NECAB1: variants seen among roughly 807,000 people sequenced by gnomAD.
NECAB1 encodes the protein N-terminal EF-hand calcium-binding protein 1.
NECAB1 carries 29 observed loss-of-function variants against 57.5 expected under a neutral mutation model. The ratio of observed to expected loss-of-function variants is 0.50; its 90% CI spans 0.38 to 0.69. NECAB1 has a LOEUF of 0.69. NECAB1 is among the 30% of genes least tolerant of loss of function. The pLI is 0.00. For missense variants in NECAB1, 372 were observed against 413.8 expected (o/e 0.90, Z 0.88); for synonymous variants, 142 against 147.7 (o/e 0.96, Z 0.28).
chr8:90,909,699 A>C (rs568821918), intron 5 of NECAB1, among the ~76,000 whole-genome samples: 1 of 152,106 alleles, frequency 6.6e-6, no homozygotes, highest in African/African-American at 2.4e-5. Context: ...TTACTCCATA[A>C]GTCATTTGCT....
chr8:90,821,765 G>T (rs1181067650), intron 2 of NECAB1, among the ~76,000 whole-genome samples: 4 of 151,226 alleles, frequency 2.6e-5, no homozygotes, highest in Non-Finnish European at 5.9e-5. Flanking sequence ...ATAATTATAA[G>T]ATCCATAAAA....
At chr8:90,917,353 G>T (rs1194697365) in intron 5 of NECAB1, 139 bp from the exon 6 acceptor site, 13 of 638,002 alleles carry the variant, frequency 2.0e-5, no homozygotes, top group Middle Eastern at 8.3e-4. Flanking sequence ...TCCAGGGCTC[G>T]ACAGATCTTT....
At chr8:90,840,391 T>G (rs1037804178) in intron 3 of NECAB1, among the ~76,000 whole-genome samples, 1 of 152,222 alleles carries the variant, frequency 6.6e-6, no homozygotes, top group African/African-American at 2.4e-5. Flanking sequence ...CACAGTGAGA[T>G]TGGGTCACTT....
At position 90,949,800 on chromosome 8, in the gene NECAB1, A is replaced by G. The variant is rs770821671; in HGVS notation, c.861-7A>G. 6.4e-7 allele frequency: 1 copy of G among 1,567,462 alleles called. No individual in the cohort carries two copies. The highest frequency in any genetic ancestry group is 8.7e-7 in the Non-Finnish European group (1 of 1,145,440). On this transcript the variant is annotated splice_polypyrimidine_tract_variant and splice_region_variant and intron_variant, in intron 10 of 12. Coordinates refer to ENST00000417640, the MANE Select transcript of NECAB1 (RefSeq NM_022351.5). ...TAGCTAATTATGCCTTTTATTTTCC[A>G]TTTCAGTATTTCTATACAGAAGCTT...
chr8:90,795,006 G>T (rs968473400), intron 1 of NECAB1, among the ~76,000 whole-genome samples: 10 of 152,250 alleles, frequency 6.6e-5, no homozygotes, highest in African/African-American at 1.9e-4. Flanking sequence ...GCAAGCATTT[G>T]CATATGGCAT....
chr8:90,900,922 A>G (rs957114335), intron 5 of NECAB1, among the ~76,000 whole-genome samples: 1 of 152,230 alleles, frequency 6.6e-6, no homozygotes, highest in African/African-American at 2.4e-5. Flanking sequence ...ATTTTTCAGT[A>G]AGATAAAGGT....
chr8:90,891,571 C>T (rs569762897), intron 5 of NECAB1, among the ~76,000 whole-genome samples: 20 of 151,500 alleles, frequency 1.3e-4, no homozygotes, highest in Non-Finnish European at 2.2e-4. Flanking sequence ...GAATTTTTCT[C>T]ATTTTAAAAA....
intron 5 of NECAB1, among the ~76,000 whole-genome samples, chr8:90,907,115 C>T (rs1809697081): frequency 7.0e-6 from 1 of 142,978 alleles, no homozygotes. Flanking sequence ...TTATAATCCA[C>T]CCAATTTTGT....
chr8:90,947,435 CT>C (rs1179949127), intron 10 of NECAB1, among the ~76,000 whole-genome samples: 4 of 138,304 alleles, frequency 2.9e-5, no homozygotes, highest in African/African-American at 1.1e-4. Flanking sequence ...GAATCTCGCT[CT>C]GTTGCCCAGG....
At chr8:90,917,938 G>A (rs1810010342) in intron 6 of NECAB1, among the ~76,000 whole-genome samples, 1 of 40,654 alleles carries the variant, frequency 2.5e-5, no homozygotes, top group African/African-American at 5.6e-4. Context: ...ATATGTGTAT[G>A]TGTGTATATA....
chr8:90,902,486 G>A (rs1458367716), intron 5 of NECAB1, among the ~76,000 whole-genome samples: 4 of 152,046 alleles, frequency 2.6e-5, no homozygotes, highest in African/African-American at 9.7e-5. Context: ...ATTGAATTAC[G>A]TTGTACTTAC....
intron 3 of NECAB1, among the ~76,000 whole-genome samples, chr8:90,838,206 A>C (rs1167220744): frequency 6.6e-6 from 1 of 152,226 alleles, no homozygotes; most frequent in African/African-American, 2.4e-5. Context: ...CATCATTGAT[A>C]GGTTCTTGGA....
intron 5 of NECAB1, among the ~76,000 whole-genome samples, chr8:90,905,237 A>C (rs1236278558): frequency 1.3e-5 from 2 of 152,224 alleles, no homozygotes; most frequent in African/African-American, 2.4e-5. Context: ...TGATTTGGCA[A>C]AATACAGGAA....
At chr8:90,793,524 G>A (rs1163074804) in intron 1 of NECAB1, among the ~76,000 whole-genome samples, 1 of 152,156 alleles carries the variant, frequency 6.6e-6, no homozygotes, top group Admixed American at 6.5e-5. Context: ...TGGCTTAACG[G>A]GCTGATCTTA....
At chr8:90,883,664 C>A (rs552646315) in intron 5 of NECAB1, among the ~76,000 whole-genome samples, 9 of 152,278 alleles carry the variant, frequency 5.9e-5, no homozygotes, top group African/African-American at 2.2e-4. Context: ...CCCTTAACCC[C>A]AGCCTTTTGT....
rs1409525983 is a variant in NECAB1 at position 90,957,516 on chromosome 8, T to C, written c.*2004T>C. 6.6e-6 allele frequency: 1 copy of C among 151,636 alleles called. No individual in the cohort carries two copies. Among genetic ancestry groups the C allele is most frequent in the African/African-American group, 2.4e-5 (1 of 41,324 alleles). The allele number at this position is 151,636 out of a possible 1,614,324, so 9.4% of individuals were successfully genotyped here. ...ACGGGCAAATAACAAAGCAAACCAA[T>C]ATAATTATATGGTCATTCTGACCCC... On this transcript the variant is annotated 3_prime_UTR_variant, in exon 13 of 13. Coordinates refer to ENST00000417640, the MANE Select transcript of NECAB1 (RefSeq NM_022351.5).
At chr8:90,920,914 T>C (rs1039732584) in intron 6 of NECAB1, among the ~76,000 whole-genome samples, 2 of 152,160 alleles carry the variant, frequency 1.3e-5, no homozygotes, top group African/African-American at 2.4e-5. Flanking sequence ...ACAGGAGCAG[T>C]TGGTGAGGAC....
At chr8:90,799,821 G>C (rs1811730866) in intron 1 of NECAB1, among the ~76,000 whole-genome samples, 1 of 152,166 alleles carries the variant, frequency 6.6e-6, no homozygotes, top group Non-Finnish European at 1.5e-5. Flanking sequence ...TTTTAGAACA[G>C]TTTTTTCTAA....
chr8:90,898,648 G>C (rs1809421800), intron 5 of NECAB1, among the ~76,000 whole-genome samples: 1 of 152,158 alleles, frequency 6.6e-6, no homozygotes, highest in African/African-American at 2.4e-5. Context: ...ATACCCATCT[G>C]TCCTTTTCAC....
Sources: allele counts gnomAD v4.1 joint callset (sites outside exome capture counted in the v4.1 genomes callset), GRCh38; gene constraint gnomAD v4.1.1; transcripts MANE v1.5; gene names NCBI Gene and HGNC (gene_info 2026-07-23, HGNC 2026-07-21).